The following L3MBTL4 variants were observed in gnomAD, a reference collection of about 807,000 sequenced individuals.
L3MBTL4 encodes lethal(3)malignant brain tumor-like protein 4.
A neutral mutation model predicts 84.5 loss-of-function variants in L3MBTL4; 70 were observed. The observed-to-expected ratio is 0.83, with a 90% confidence interval of 0.68 to 1.01. The LOEUF (loss-of-function observed/expected upper bound fraction) is 1.01, where lower values mean the gene tolerates loss of function less well. Among genes scored for constraint, L3MBTL4 ranks in the 50% least tolerant of loss-of-function variants. L3MBTL4 has a pLI of 0.00. For synonymous variants in L3MBTL4, 274 were observed against 259.8 expected, an observed-to-expected ratio of 1.05 and a Z score of -0.52; for missense variants, 715 against 754.8, an observed-to-expected ratio of 0.95 and a Z score of 0.62.
intron 2 of L3MBTL4, 38 bp from the exon 3 acceptor site, chr18:6,311,694 G>T (rs1334574553): frequency 1.7e-6 from 2 of 1,163,784 alleles, no homozygotes; most frequent in Admixed American, 1.7e-5. Context: ...GGGGATGGGG[G>T]TGTGACCCCT....
intron 15 of L3MBTL4, among the ~76,000 whole-genome samples, chr18:6,090,513 C>G (rs1369613193): frequency 6.6e-6 from 1 of 150,688 alleles, no homozygotes; most frequent in Non-Finnish European, 1.5e-5. Flanking sequence ...GGAAGCTTAT[C>G]AAAGTTAATT....
In L3MBTL4 at chr18:6,199,946, C is replaced by T. The variant is rs546416965; in HGVS notation, c.981+13203G>A. Among the ~76,000 whole-genome samples the T allele has an allele frequency of 2.1e-4, 32 of 152,326 alleles. No homozygotes were observed. In the South Asian group the frequency reaches 6.0e-3, roughly 29 times the overall value. ...GTGAAAGAGCTCTGGAAGTGTCCTA[C>T]AGAAAGCTGTCAGGCAGGACAGGCA... On this transcript the variant is annotated intron_variant, in intron 12 of 18. Transcript: ENST00000317931.
intron 12 of L3MBTL4, among the ~76,000 whole-genome samples, chr18:6,183,106 G>C (rs1328028892): frequency 6.6e-6 from 1 of 152,146 alleles, no homozygotes; most frequent in African/African-American, 2.4e-5. Context: ...GATAAGATTT[G>C]CACAAGAAAT....
intron 13 of L3MBTL4, among the ~76,000 whole-genome samples, chr18:6,169,843 TAAA>T (rs991408908): frequency 5.3e-5 from 8 of 150,696 alleles, no homozygotes; most frequent in Non-Finnish European, 1.0e-4. Context: ...ATAATAATAA[TAAA>T]AGAAAAATTT....
intron 13 of L3MBTL4, among the ~76,000 whole-genome samples, chr18:6,160,351 C>T (rs1220037480): frequency 2.6e-5 from 4 of 152,156 alleles, no homozygotes; most frequent in Non-Finnish European, 5.9e-5. Flanking sequence ...TGCAAGTCAG[C>T]AGTGTTACAA....
chr18:6,046,954 C>A (rs1254759021), intron 16 of L3MBTL4, among the ~76,000 whole-genome samples: 1 of 152,006 alleles, frequency 6.6e-6, no homozygotes, highest in African/African-American at 2.4e-5. Flanking sequence ...AAAGAATCAA[C>A]AAACCAAAAG....
chr18:6,385,229 C>T (rs1228564705), intron 1 of L3MBTL4, among the ~76,000 whole-genome samples: 2 of 151,764 alleles, frequency 1.3e-5, no homozygotes, highest in Non-Finnish European at 2.9e-5. Context: ...CAGTGAGATC[C>T]CATCTCAAAA....
rs1391938133 is a variant in L3MBTL4 at position 6,237,957 on chromosome 18, CA to C, written c.784+6del. 7 of 1,612,656 alleles carry C rather than the reference CA, an allele frequency of 4.3e-6. No individual in the cohort carries two copies. The highest frequency in any genetic ancestry group is 5.9e-6 in the Non-Finnish European group (7 of 1,178,686). On this transcript the variant is annotated splice_donor_region_variant and intron_variant, in intron 10 of 18. Transcript: ENST00000317931. ...GACTTCAAAGAAAACCCAGGCAGTC[CA>C]CTCACCTTGGGGTGCTATCAGAGTT...
chr18:6,087,054 G>A (rs2143475417), intron 15 of L3MBTL4, among the ~76,000 whole-genome samples: 1 of 152,298 alleles, frequency 6.6e-6, no homozygotes, highest in East Asian at 1.9e-4. Flanking sequence ...TTATCACCAA[G>A]GAAAAGCTTG....
chr18:6,206,295 TA>T (rs1276625621), intron 12 of L3MBTL4, among the ~76,000 whole-genome samples: 2 of 152,200 alleles, frequency 1.3e-5, no homozygotes, highest in Non-Finnish European at 2.9e-5. Context: ...TGTATATCCC[TA>T]AAAAAGAAGA....
chr18:6,278,864 TA>T (rs76899503), intron 4 of L3MBTL4, among the ~76,000 whole-genome samples: 634 of 142,904 alleles, frequency 4.4e-3, no homozygotes, highest in African/African-American at 9.6e-3. Flanking sequence ...CGCTTTTACT[TA>T]AAAAAAAAAA....
chr18:6,347,991 C>T (rs905152569), intron 1 of L3MBTL4, among the ~76,000 whole-genome samples: 3 of 151,950 alleles, frequency 2.0e-5, no homozygotes, highest in African/African-American at 7.2e-5. Context: ...AAGAGTCAAT[C>T]TTGTTTCCAT....
intron 16 of L3MBTL4, among the ~76,000 whole-genome samples, chr18:6,004,674 T>A (rs963068646): frequency 6.7e-6 from 1 of 149,290 alleles, no homozygotes; most frequent in African/African-American, 2.6e-5. Context: ...TTATTTACCT[T>A]TAAAAAGGAA....
chr18:5,970,581 A>G (rs1340113074), intron 16 of L3MBTL4, among the ~76,000 whole-genome samples: 2 of 152,252 alleles, frequency 1.3e-5, no homozygotes, highest in Non-Finnish European at 1.5e-5. Flanking sequence ...TACTTTCAAC[A>G]CACATTAGCA....
intron 16 of L3MBTL4, among the ~76,000 whole-genome samples, chr18:6,026,064 A>C (rs898287895): frequency 6.6e-6 from 1 of 152,260 alleles, no homozygotes; most frequent in Non-Finnish European, 1.5e-5. Flanking sequence ...AACTCAGTAA[A>C]TTGGCAGATT....
intron 16 of L3MBTL4, among the ~76,000 whole-genome samples, chr18:5,986,750 T>C (rs2053479352): frequency 6.6e-6 from 1 of 152,186 alleles, no homozygotes; most frequent in Non-Finnish European, 1.5e-5. Flanking sequence ...CCTAGAGGAA[T>C]GTACAGGGGC....
chr18:6,305,561 C>A (rs1331984522), intron 3 of L3MBTL4, among the ~76,000 whole-genome samples: 1 of 152,084 alleles, frequency 6.6e-6, no homozygotes. Context: ...AAAATAAAAC[C>A]ATTACTGCGA....
Position 6,193,846 on chromosome 18 carries a change from A to G in L3MBTL4, c.981+19303T>C, listed in dbSNP as rs529806351. On this transcript the variant is annotated intron_variant, in intron 12 of 18. Transcript: ENST00000317931. ...GAACATGCTTAAATGCCCTTTTACC[A>G]GCACAAATTCACTGCACACCTCCTA... Among the ~76,000 whole-genome samples the G allele has an allele frequency of 8.5e-5, 13 of 152,316 alleles. No individual in the cohort carries two copies. The South Asian group carries it at 2.5e-3, about 29-fold the overall frequency.
At chr18:6,173,554 A>G (rs1034125780) in intron 12 of L3MBTL4, among the ~76,000 whole-genome samples, 3 of 152,064 alleles carry the variant, frequency 2.0e-5, no homozygotes, top group Admixed American at 2.0e-4. Flanking sequence ...CCAAGGAAGG[A>G]GGATCTCTTG....
Sources: allele counts gnomAD v4.1 joint callset (sites outside exome capture counted in the v4.1 genomes callset), GRCh38; gene constraint gnomAD v4.1.1; transcripts MANE v1.5; gene names NCBI Gene and HGNC (gene_info 2026-07-23, HGNC 2026-07-21).